FSD1: variants seen among roughly 807,000 people sequenced by gnomAD.
FSD1 encodes fibronectin type III and SPRY domain containing 1.
FSD1 carries 23 observed loss-of-function variants against 58.2 expected under a neutral mutation model. The observed-to-expected ratio is 0.40, with a 90% confidence interval of 0.28 to 0.56. FSD1 has a LOEUF of 0.56. Ranked by LOEUF, FSD1 falls within the 20% of genes least tolerant of loss-of-function variation. The probability of loss-of-function intolerance (pLI) is 0.54; values close to 1 mark genes in which losing one functional copy is unlikely to be tolerated. For synonymous variants in FSD1, 265 were observed against 263.4 expected (o/e 1.01, Z -0.06); for missense variants, 563 against 670.8 (o/e 0.84, Z 1.78).
Position 4,323,695 on chromosome 19 carries a change from C to A in FSD1, c.*52C>A. 7.7e-7 allele frequency: 1 copy of A among 1,304,638 alleles called. No individual in the cohort carries two copies. Among genetic ancestry groups the A allele is most frequent in the Non-Finnish European group, 1.1e-6 (1 of 925,832 alleles). The allele number at this position is 1,304,638 out of a possible 1,614,324, so 80.8% of individuals were successfully genotyped here. A position where few individuals can be genotyped will look rare whatever the true frequency, so the allele number is the denominator to read the frequency against. On this transcript the variant is annotated 3_prime_UTR_variant, in exon 13 of 13. Coordinates refer to ENST00000221856, the MANE Select transcript of FSD1 (RefSeq NM_024333.3). The surrounding 1 kb of genome is among the most constrained non-coding windows in gnomAD (Gnocchi z 7.7). ...TGTTTTTGGGGGAGTCGCCGCCAAG[C>A]CCAGGCTGCTGGAGCCAGGCACCCT...
chr19:4,311,630 G>C (rs551398311), intron 6 of FSD1: 8 of 532,374 alleles, frequency 1.5e-5, no homozygotes, highest in East Asian at 1.3e-4. Context: ...GTTGCAGTGA[G>C]CCAAGATCGT....
intron 4 of FSD1, among the ~76,000 whole-genome samples, chr19:4,309,490 G>A (rs1239858959): frequency 6.6e-6 from 1 of 152,178 alleles, no homozygotes; most frequent in Non-Finnish European, 1.5e-5. Flanking sequence ...GGGTGGGGAT[G>A]GGAGCCTGTC....
chr19:4,309,074 C>CA (rs1359764815), intron 4 of FSD1, among the ~76,000 whole-genome samples: 3 of 151,858 alleles, frequency 2.0e-5, no homozygotes, highest in Non-Finnish European at 4.4e-5. Context: ...GACTCTGTTT[C>CA]AAAAAATAAA....
rs373777708 is a variant in FSD1, at chr19:4,312,783, C to T, written c.700+732C>T. Among the ~76,000 whole-genome samples, 17 of 150,634 alleles carry T rather than the reference C, an allele frequency of 1.1e-4. 1 individual carries two copies. In the South Asian group the frequency reaches 2.7e-3, roughly 24 times the overall value. On this transcript the variant is annotated intron_variant, in intron 7 of 12. Coordinates refer to ENST00000221856, the MANE Select transcript of FSD1 (RefSeq NM_024333.3). ...TTGCGCCACTGCACTCCAGCCTGGG[C>T]GACAGAGCAAGACTCCGTCTCAAAA...
intron 8 of FSD1, among the ~76,000 whole-genome samples, chr19:4,317,588 G>A (rs1271565129): frequency 6.6e-6 from 1 of 152,164 alleles, no homozygotes; most frequent in African/African-American, 2.4e-5. Flanking sequence ...TGATTCCAGA[G>A]CCTTTCACAG....
At chr19:4,305,554 G>A (rs1367741081) in intron 1 of FSD1, among the ~76,000 whole-genome samples, 1 of 152,234 alleles carries the variant, frequency 6.6e-6, no homozygotes, top group Non-Finnish European at 1.5e-5. Flanking sequence ...TTCGGGGCCA[G>A]GGTCTGTCCC....
Position 4,323,639 on chromosome 19 carries a change from C to A in FSD1, c.1487C>A (p.Thr496Asn), listed in dbSNP as rs1971732780. Residue 496 changes from threonine (T) to asparagine (N), a missense_variant, in exon 13 of 13, where the codon ACC becomes AAC. Coordinates refer to ENST00000221856, the MANE Select transcript of FSD1 (RefSeq NM_024333.3). The surrounding 1 kb of genome is among the most constrained non-coding windows in gnomAD (Gnocchi z 7.7). ...SATSSSNTSL[T>N] ...ACCAGCAGCTCCAACACCAGCCTCACCTAGGCCCCCAGGCACCCACCCAGC... is the reference window on the plus strand; with the variant it reads ...ACCAGCAGCTCCAACACCAGCCTCAACTAGGCCCCCAGGCACCCACCCAGC... 2 of 1,609,030 alleles carry A rather than the reference C, an allele frequency of 1.2e-6. No homozygotes were observed. The highest frequency in any genetic ancestry group is 2.2e-5 in the South Asian group (2 of 90,742).
intron 10 of FSD1, among the ~76,000 whole-genome samples, chr19:4,319,940 T>G (rs147758904): frequency 1.6e-3 from 247 of 152,002 alleles, no homozygotes; most frequent in African/African-American, 5.6e-3. Context: ...AATAGCTGCA[T>G]TGGGTGAAGG....
intron 10 of FSD1, among the ~76,000 whole-genome samples, chr19:4,320,967 G>T: frequency 6.6e-6 from 1 of 150,580 alleles, no homozygotes; most frequent in Admixed American, 6.6e-5. Flanking sequence ...TGGGACTGAG[G>T]AGTATCTGGG....
At chr19:4,322,931 C>G in intron 10 of FSD1, 55 bp from the exon 11 acceptor site, 1 of 1,553,726 alleles carries the variant, frequency 6.4e-7, no homozygotes, top group South Asian at 1.2e-5. Flanking sequence ...GGAAGGGCAT[C>G]TGTGGCCCAG....
chr19:4,323,075 A>G lies in FSD1; in HGVS notation c.1129A>G (p.Ser377Gly), dbSNP rs751698287. ...GTTCGGCGTGGGCGTGGCCTACCGC[A>G]GCCTGGGCCGCTTCGAGCAACTGGG... ...KAFGVGVAYR[S>G]LGRFEQLGKT... The change falls in exon 11 of 13, where the codon AGC becomes GGC. Residue 377 changes from serine (S) to glycine (G), a missense_variant. Coordinates refer to ENST00000221856, the MANE Select transcript of FSD1 (RefSeq NM_024333.3). This position sits in a 1 kb window ranked among gnomAD's most constrained non-coding sequence, Gnocchi z 7.7. 1.2e-6 allele frequency: 2 copies of G among 1,611,124 alleles called. No individual in the cohort carries two copies. The highest frequency in any genetic ancestry group is 1.3e-5 in the African/African-American group (1 of 74,982).
intron 7 of FSD1, among the ~76,000 whole-genome samples, chr19:4,313,743 C>G (rs1335969709): frequency 6.7e-6 from 1 of 148,688 alleles, no homozygotes; most frequent in Non-Finnish European, 1.5e-5. Flanking sequence ...AAAAGCCATC[C>G]TGGCCAGGCG....
chr19:4,309,310 T>G (rs1318445930), intron 4 of FSD1, among the ~76,000 whole-genome samples: 2 of 152,174 alleles, frequency 1.3e-5, no homozygotes, highest in Non-Finnish European at 2.9e-5. Context: ...AATACTTTTT[T>G]AGTATAAGGG....
At chr19:4,317,611 A>G (rs999608616) in intron 8 of FSD1, among the ~76,000 whole-genome samples, 4 of 152,146 alleles carry the variant, frequency 2.6e-5, no homozygotes, top group African/African-American at 9.6e-5. Context: ...ACACCTTCAC[A>G]TGCCCTGCTA....
At chr19:4,316,411 C>G (rs1054477127) in intron 7 of FSD1, among the ~76,000 whole-genome samples, 6 of 148,506 alleles carry the variant, frequency 4.0e-5, no homozygotes, top group African/African-American at 1.5e-4. Flanking sequence ...AGTAGAGATG[C>G]GGTTTCATCA....
At chr19:4,312,807 A>T (rs960771668) in intron 7 of FSD1, among the ~76,000 whole-genome samples, 8 of 148,816 alleles carry the variant, frequency 5.4e-5, no homozygotes, top group Non-Finnish European at 8.9e-5. Flanking sequence ...TCCGTCTCAA[A>T]AAATAAATAA....
At chr19:4,305,590 C>T (rs1414638310) in intron 1 of FSD1, among the ~76,000 whole-genome samples, 1 of 152,208 alleles carries the variant, frequency 6.6e-6, no homozygotes, top group Non-Finnish European at 1.5e-5. Context: ...CTGTGAGCCT[C>T]AGTTTCCTCT....
chr19:4,323,005 C>A lies in FSD1; in HGVS notation c.1059C>A (p.Gly353=). 1 of 1,610,960 alleles carries A rather than the reference C, an allele frequency of 6.2e-7. No individual in the cohort carries two copies. The part of the protein sequence containing the change: ...YTVLGDTLID[G]GEHYWEVRYE... Reference sequence around the variant, plus strand: ...CCACAGGGGACACGCTGATCGACGGCGGGGAGCATTACTGGGAGGTGCGCT... The same window carrying A: ...CCACAGGGGACACGCTGATCGACGGAGGGGAGCATTACTGGGAGGTGCGCT... Residue 353 remains glycine (G), a synonymous_variant, in exon 11 of 13, where the codon GGC becomes GGA. Coordinates refer to ENST00000221856, the MANE Select transcript of FSD1 (RefSeq NM_024333.3). The surrounding 1 kb of genome is among the most constrained non-coding windows in gnomAD (Gnocchi z 7.7).
intron 10 of FSD1, 103 bp downstream of exon 10, chr19:4,319,054 A>T: frequency 2.3e-6 from 2 of 861,862 alleles, no homozygotes; most frequent in Admixed American, 2.0e-5. Flanking sequence ...ACAGGCAGCC[A>T]TCAGCAAAGC....
Sources: allele counts gnomAD v4.1 joint callset (sites outside exome capture counted in the v4.1 genomes callset), GRCh38; gene constraint gnomAD v4.1.1; non-coding constraint Gnocchi (gnomAD v3.1); transcripts MANE v1.5; gene names NCBI Gene and HGNC (gene_info 2026-07-23, HGNC 2026-07-21).